Variants in ADAMTS19 observed in about 807,000 individuals in gnomAD.
ADAMTS19 encodes A disintegrin and metalloproteinase with thrombospondin motifs 19.
Under a neutral mutation model 153.3 loss-of-function variants are expected in ADAMTS19, and 93 were observed. The observed-to-expected ratio is 0.61, with a 90% CI of 0.51 to 0.72. The LOEUF is 0.72. Among genes scored for constraint, ADAMTS19 ranks in the 30% least tolerant of loss-of-function variants. The probability of loss-of-function intolerance (pLI) is 0.00; values close to 1 mark genes in which losing one functional copy is unlikely to be tolerated. For missense variants in ADAMTS19, 1,482 were observed against 1,552.1 expected, an observed-to-expected ratio of 0.95 and a Z score of 0.76; for synonymous variants, 600 against 556.6, an observed-to-expected ratio of 1.08 and a Z score of -1.10.
At chr5:129,481,218 G>A (rs1039053039) in intron 2 of ADAMTS19, among the ~76,000 whole-genome samples, 2 of 152,126 alleles carry the variant, frequency 1.3e-5, no homozygotes, top group African/African-American at 4.8e-5. Flanking sequence ...GGGGGAACAG[G>A]CACCTTCTTC....
At chr5:129,733,464 A>G (rs1757532609) in intron 21 of ADAMTS19, among the ~76,000 whole-genome samples, 1 of 152,058 alleles carries the variant, frequency 6.6e-6, no homozygotes, top group South Asian at 2.1e-4. Context: ...AACAAACAAA[A>G]AAACAACTAG....
At chr5:129,602,824 C>CTGTGTGTGTG (rs763032232) in intron 8 of ADAMTS19, among the ~76,000 whole-genome samples, 2 of 111,944 alleles carry the variant, frequency 1.8e-5, no homozygotes, top group African/African-American at 4.9e-5. Flanking sequence ...GTCTTATATT[C>CTGTGTGTGTG]TCTGTGTGTG....
intron 2 of ADAMTS19, among the ~76,000 whole-genome samples, chr5:129,492,799 A>G (rs2126693830): frequency 6.6e-6 from 1 of 152,250 alleles, no homozygotes; most frequent in Admixed American, 6.5e-5. Flanking sequence ...ATTGCCACAT[A>G]AACTTCAGTA....
chr5:129,717,897 G>C (rs1268566591), intron 21 of ADAMTS19, among the ~76,000 whole-genome samples: 3 of 152,146 alleles, frequency 2.0e-5, no homozygotes, highest in Non-Finnish European at 4.4e-5. Flanking sequence ...ATCCACTTTT[G>C]ACATACAATT....
chr5:129,683,445 A>T (rs539385509), intron 17 of ADAMTS19, among the ~76,000 whole-genome samples: 13 of 152,112 alleles, frequency 8.5e-5, no homozygotes, highest in Non-Finnish European at 1.6e-4. Flanking sequence ...ACAATTATTA[A>T]TATTAAAAGT....
At chr5:129,687,630 A>T (rs1388130587) in intron 18 of ADAMTS19, among the ~76,000 whole-genome samples, 1 of 152,166 alleles carries the variant, frequency 6.6e-6, no homozygotes, top group African/African-American at 2.4e-5. Flanking sequence ...TCAACATGAG[A>T]AAATTGAAGG....
chr5:129,610,137 C>T (rs1018098621), intron 8 of ADAMTS19, among the ~76,000 whole-genome samples: 11 of 151,138 alleles, frequency 7.3e-5, no homozygotes, highest in African/African-American at 2.2e-4. Context: ...ACCAGAAATA[C>T]GAGGCAGTTC....
At chr5:129,679,657 A>G (rs914974159) in intron 16 of ADAMTS19, 107 bp from the exon 17 acceptor site, 19 of 1,046,576 alleles carry the variant, frequency 1.8e-5, no homozygotes, top group Non-Finnish European at 2.5e-5. Flanking sequence ...ATGTTGATCC[A>G]TTTGTTTGTA....
At chr5:129,601,319 T>G (rs1750639162) in intron 8 of ADAMTS19, among the ~76,000 whole-genome samples, 1 of 152,182 alleles carries the variant, frequency 6.6e-6, no homozygotes, top group Non-Finnish European at 1.5e-5. Flanking sequence ...TGAATGAAAA[T>G]ACTTAGTTTT....
chr5:129,664,923 A>C (rs193293524), intron 15 of ADAMTS19, among the ~76,000 whole-genome samples: 2 of 152,090 alleles, frequency 1.3e-5, no homozygotes, highest in Non-Finnish European at 2.9e-5. Flanking sequence ...GGGTCTAGCT[A>C]TCTGACATCT....
intron 13 of ADAMTS19, among the ~76,000 whole-genome samples, chr5:129,652,368 G>C (rs576712524): frequency 1.3e-5 from 2 of 152,176 alleles, no homozygotes; most frequent in African/African-American, 4.8e-5. Context: ...CCCTGCCTAG[G>C]AGAATTAAAT....
intron 10 of ADAMTS19, among the ~76,000 whole-genome samples, chr5:129,638,492 T>C (rs151100494): frequency 4.6e-5 from 7 of 152,118 alleles, no homozygotes; most frequent in East Asian, 3.9e-4. Context: ...TATTAGTCTT[T>C]ATAAAGAATT....
intron 10 of ADAMTS19, among the ~76,000 whole-genome samples, chr5:129,633,904 T>G (rs963165165): frequency 6.6e-6 from 1 of 152,144 alleles, no homozygotes; most frequent in Non-Finnish European, 1.5e-5. Flanking sequence ...TATGGCAGCC[T>G]TGACCACCTC....
chr5:129,513,460 T>C (rs1488741322), intron 3 of ADAMTS19, among the ~76,000 whole-genome samples: 37 of 151,804 alleles, frequency 2.4e-4, no homozygotes, highest in Non-Finnish European at 8.8e-5. Flanking sequence ...CACACCACTG[T>C]ACTCCAGCTT....
At position 129,507,011 on chromosome 5, in the gene ADAMTS19, T is replaced by G. The variant is rs532685426; in HGVS notation, c.748-2066T>G. 6.6e-5 allele frequency among the ~76,000 whole-genome samples: 10 copies of G among 152,134 alleles called. No individual in the cohort carries two copies. In the East Asian group the frequency reaches 1.9e-3, roughly 29 times the overall value. On this transcript the variant is annotated intron_variant, in intron 2 of 22. Transcript: ENST00000274487. The stretch of plus-strand genomic sequence containing the variant: ...AGCTAGCAGTAAGTTATGAACCCAG[T>G]TCAGAATCTTTTCTTGGAGTCATTA...
intron 16 of ADAMTS19, among the ~76,000 whole-genome samples, chr5:129,676,458 T>C (rs1343985242): frequency 6.6e-6 from 1 of 152,132 alleles, no homozygotes; most frequent in Admixed American, 6.6e-5. Flanking sequence ...CTCAACTCAC[T>C]GAAGCCCTCG....
chr5:129,691,528 A>C (rs1021488895), intron 18 of ADAMTS19, among the ~76,000 whole-genome samples: 3 of 152,070 alleles, frequency 2.0e-5, no homozygotes, highest in African/African-American at 7.2e-5. Context: ...TAAAAGAAAA[A>C]CTCAAACAAT....
intron 3 of ADAMTS19, 68 bp from the exon 4 acceptor site, chr5:129,526,216 A>AAAT: frequency 9.0e-6 from 12 of 1,334,618 alleles, no homozygotes; most frequent in Non-Finnish European, 1.2e-5. Flanking sequence ...GCTCATTATT[A>AAAT]AATATGTTTA....
At chr5:129,731,477 C>T (rs1561675534) in intron 21 of ADAMTS19, among the ~76,000 whole-genome samples, 1 of 152,002 alleles carries the variant, frequency 6.6e-6, no homozygotes, top group East Asian at 1.9e-4. Flanking sequence ...ATGGTAAACT[C>T]AATAACCAAA....
Sources: allele counts gnomAD v4.1 joint callset (sites outside exome capture counted in the v4.1 genomes callset), GRCh38; gene constraint gnomAD v4.1.1; transcripts MANE v1.5; gene names NCBI Gene and HGNC (gene_info 2026-07-23, HGNC 2026-07-21).